Variants in PIP5K1A observed in about 807,000 individuals in gnomAD.
PIP5K1A encodes the protein phosphatidylinositol 4-phosphate 5-kinase type-1 alpha.
A neutral mutation model predicts 72.9 loss-of-function variants in PIP5K1A; 46 were observed. The observed-to-expected ratio is 0.63, with a 90% confidence interval of 0.50 to 0.81. The LOEUF is 0.81. Ranked by LOEUF, PIP5K1A falls within the 30% of genes least tolerant of loss-of-function variation. The pLI is 0.00. For synonymous variants in PIP5K1A, 228 were observed against 255.1 expected (o/e 0.89, Z 1.01); for missense variants, 458 against 706.1 (o/e 0.65, Z 3.98).
chr1:151,210,522 GAGTT>G (rs1686654455), intron 1 of PIP5K1A, among the ~76,000 whole-genome samples: 1 of 152,028 alleles, frequency 6.6e-6, no homozygotes, highest in Non-Finnish European at 1.5e-5. Context: ...AGTCCACTGA[GAGTT>G]AGCATTTTAA....
chr1:151,238,304 T>A (rs1691170760), intron 10 of PIP5K1A, 39 bp downstream of exon 10: 1 of 1,310,266 alleles, frequency 7.6e-7, no homozygotes, highest in Non-Finnish European at 1.1e-6. Context: ...AGAGGGTGGA[T>A]ACAGATAACC....
At chr1:151,217,546 A>AT (rs1161513924) in intron 1 of PIP5K1A, among the ~76,000 whole-genome samples, 1 of 152,108 alleles carries the variant, frequency 6.6e-6, no homozygotes, top group African/African-American at 2.4e-5. Context: ...GGAATTGTTC[A>AT]TTTTTTCAGA....
At chr1:151,200,167 G>T (rs1685017491) in intron 1 of PIP5K1A, among the ~76,000 whole-genome samples, 1 of 151,194 alleles carries the variant, frequency 6.6e-6, no homozygotes, top group Non-Finnish European at 1.5e-5. Flanking sequence ...TGGAAATTAG[G>T]CCTGAGAAGA....
intron 12 of PIP5K1A, chr1:151,240,433 A>G (rs942610287): frequency 9.5e-5 from 16 of 168,290 alleles, no homozygotes; most frequent in African/African-American, 3.6e-4. Flanking sequence ...TGGTTACAGA[A>G]GCATTTACTG....
At chr1:151,198,247 C>T (rs1326995985), upstream of PIP5K1A, 3 of 372,626 alleles carry the variant, frequency 8.1e-6, no homozygotes. Context: ...GACTTGACAC[C>T]AGTACTCCCG....
intron 1 of PIP5K1A, among the ~76,000 whole-genome samples, chr1:151,210,612 TCTCG>T (rs1686669115): frequency 6.6e-6 from 1 of 152,162 alleles, no homozygotes; most frequent in Non-Finnish European, 1.5e-5. Context: ...TGAGATGGAG[TCTCG>T]CTCTGTTGCC....
chr1:151,237,441 A>AGG (rs1210157251), intron 9 of PIP5K1A, among the ~76,000 whole-genome samples: 7 of 152,198 alleles, frequency 4.6e-5, no homozygotes, highest in Non-Finnish European at 5.9e-5. Flanking sequence ...CAGGCGGATC[A>AGG]CTTGAGTCCA....
intron 2 of PIP5K1A, 39 bp from the exon 3 acceptor site, chr1:151,224,331 AG>A: frequency 6.2e-7 from 1 of 1,609,518 alleles, no homozygotes; most frequent in Non-Finnish European, 8.5e-7. Context: ...CTGGGATAGA[AG>A]GAACCTGTTT....
chr1:151,247,645 C>T lies in PIP5K1A; in HGVS notation c.1687-218C>T, dbSNP rs1042715187. 3.3e-5 allele frequency among the ~76,000 whole-genome samples: 5 copies of T among 151,634 alleles called. No individual in the cohort carries two copies. The East Asian group carries it at 5.8e-4, about 18-fold the overall frequency. On this transcript the variant is annotated intron_variant, in intron 15 of 15. Transcript: ENST00000368888. ...TTCACCGTGTTAGCCAGGATGGCCT[C>T]GATCTCCTGACCTCGTGATCCACCT...
intron 9 of PIP5K1A, 57 bp downstream of exon 9, chr1:151,236,820 T>C (rs1690936793): frequency 2.2e-6 from 2 of 916,562 alleles, no homozygotes; most frequent in Admixed American, 3.1e-5. Context: ...ACTTTTCTTT[T>C]CTTTTTTTTT....
intron 9 of PIP5K1A, 58 bp downstream of exon 9, chr1:151,236,821 C>CTTTTTTTTTTTTTTTTTT (rs369523470): frequency 2.3e-6 from 1 of 429,148 alleles, no homozygotes; most frequent in African/African-American, 2.9e-5. Flanking sequence ...CTTTTCTTTT[C>CTTTTTTTTTTTTTTTTTT]TTTTTTTTTT....
intron 7 of PIP5K1A, chr1:151,233,281 A>C (rs1414984727): frequency 6.6e-6 from 1 of 151,730 alleles, no homozygotes; most frequent in Non-Finnish European, 1.5e-5. Context: ...GCACCACCAC[A>C]CCTGGCTAAT....
chr1:151,245,396 A>G (rs1026591241), intron 14 of PIP5K1A, among the ~76,000 whole-genome samples: 1 of 152,182 alleles, frequency 6.6e-6, no homozygotes, highest in Admixed American at 6.5e-5. Context: ...CCAAAATTCT[A>G]TAAACAGCAT....
intron 1 of PIP5K1A, among the ~76,000 whole-genome samples, chr1:151,202,348 A>G (rs1393214849): frequency 6.6e-6 from 1 of 152,242 alleles, no homozygotes; most frequent in Non-Finnish European, 1.5e-5. Flanking sequence ...TTGAATTTCT[A>G]CAGGGCCAGC....
chr1:151,233,885 C>T (rs1312318464), intron 7 of PIP5K1A: 2 of 280,032 alleles, frequency 7.1e-6, no homozygotes, highest in Non-Finnish European at 1.3e-5. Context: ...CTTACCATCC[C>T]CAAGAATATA....
chr1:151,220,270 C>T (rs1165202216), intron 1 of PIP5K1A, among the ~76,000 whole-genome samples: 1 of 152,088 alleles, frequency 6.6e-6, no homozygotes, highest in African/African-American at 2.4e-5. Flanking sequence ...TCCCCAAGTG[C>T]TGGGATTACA....
chr1:151,215,618 G>C (rs893313985), intron 1 of PIP5K1A, among the ~76,000 whole-genome samples: 2 of 152,128 alleles, frequency 1.3e-5, no homozygotes, highest in Non-Finnish European at 2.9e-5. Flanking sequence ...GAGCCTCTGC[G>C]CCCGGCATTC....
chr1:151,215,798 A>T (rs924303386), intron 1 of PIP5K1A, among the ~76,000 whole-genome samples: 4 of 152,158 alleles, frequency 2.6e-5, no homozygotes, highest in African/African-American at 9.7e-5. Context: ...ATTTACCTAG[A>T]ATTACAAAAA....
chr1:151,239,870 G>A, intron 11 of PIP5K1A, 85 bp from the exon 12 acceptor site: 1 of 915,556 alleles, frequency 1.1e-6, no homozygotes, highest in Non-Finnish European at 1.8e-6. Context: ...TTCTGCTAGG[G>A]GCTCAGTCTG....
Sources: allele counts gnomAD v4.1 joint callset (sites outside exome capture counted in the v4.1 genomes callset), GRCh38; gene constraint gnomAD v4.1.1; transcripts MANE v1.5; gene names NCBI Gene and HGNC (gene_info 2026-07-23, HGNC 2026-07-21).